KCNMB2: variants seen among roughly 807,000 people sequenced by gnomAD.
KCNMB2 encodes the protein potassium calcium-activated channel subfamily M regulatory beta subunit 2.
KCNMB2 carries 9 observed loss-of-function variants against 24.5 expected under a neutral mutation model. The ratio of observed to expected loss-of-function variants is 0.37; its 90% CI spans 0.22 to 0.64. The LOEUF (loss-of-function observed/expected upper bound fraction) is 0.64, where lower values mean the gene tolerates loss of function less well. Among genes scored for constraint, KCNMB2 ranks in the 30% least tolerant of loss-of-function variants. The probability of loss-of-function intolerance (pLI) is 0.63; values close to 1 mark genes in which losing one functional copy is unlikely to be tolerated. For missense variants in KCNMB2, 226 were observed against 284.3 expected (o/e 0.79, Z 1.47); for synonymous variants, 109 against 104.4 (o/e 1.04, Z -0.27).
At position 178,577,695 on chromosome 3, in the gene KCNMB2, G is replaced by A. The variant is rs115246720; in HGVS notation, c.-68+40984G>A. On this transcript the variant is annotated intron_variant, in intron 1 of 4. Coordinates refer to ENST00000452583, the MANE Select transcript of KCNMB2 (RefSeq NM_181361.3). Reference sequence around the variant, plus strand: ...ACACAAACACAAGTTTAGAGAAGATGGAGCTGAAAAACAGCACAAGAACTT... The same window carrying A: ...ACACAAACACAAGTTTAGAGAAGATAGAGCTGAAAAACAGCACAAGAACTT... 6.0e-3 allele frequency among the ~76,000 whole-genome samples: 906 copies of A among 152,232 alleles called. 13 individuals are homozygous for A. Among genetic ancestry groups the A allele is most frequent in the African/African-American group, 0.021 (859 of 41,564 alleles).
intron 1 of KCNMB2, among the ~76,000 whole-genome samples, chr3:178,728,039 T>TATAG (rs1265854655): frequency 6.6e-6 from 1 of 152,234 alleles, no homozygotes; most frequent in East Asian, 1.9e-4. Context: ...TGGAAACAGG[T>TATAG]ATAGGCCTTA....
At chr3:178,719,738 T>C (rs1003536178) in intron 1 of KCNMB2, among the ~76,000 whole-genome samples, 2 of 151,998 alleles carry the variant, frequency 1.3e-5, no homozygotes, top group Non-Finnish European at 2.9e-5. Flanking sequence ...AAAAATAACA[T>C]ACAGTAAAAT....
At chr3:178,577,203 G>A (rs984132906) in intron 1 of KCNMB2, among the ~76,000 whole-genome samples, 9 of 152,122 alleles carry the variant, frequency 5.9e-5, no homozygotes, top group South Asian at 2.1e-4. Context: ...TGCAGCCTCC[G>A]CTTGCGTCCA....
chr3:178,718,389 G>A (rs751683675), intron 1 of KCNMB2, among the ~76,000 whole-genome samples: 2 of 152,160 alleles, frequency 1.3e-5, no homozygotes, highest in Non-Finnish European at 2.9e-5. Context: ...CTGTATGTAT[G>A]CATGTGTCTA....
At chr3:178,570,323 C>G (rs538576577) in intron 1 of KCNMB2, among the ~76,000 whole-genome samples, 17 of 151,934 alleles carry the variant, frequency 1.1e-4, no homozygotes, top group South Asian at 1.0e-3. Context: ...TTCACAACAC[C>G]CTGCAATCAA....
intron 1 of KCNMB2, among the ~76,000 whole-genome samples, chr3:178,712,198 C>G (rs1722474824): frequency 1.3e-5 from 2 of 152,102 alleles, no homozygotes; most frequent in Non-Finnish European, 2.9e-5. Context: ...CAGAAAATAA[C>G]AAGAGTAACA....
chr3:178,684,137 T>A (rs1386036850), intron 1 of KCNMB2, among the ~76,000 whole-genome samples: 1 of 152,102 alleles, frequency 6.6e-6, no homozygotes, highest in Non-Finnish European at 1.5e-5. Context: ...AAGAAACTGT[T>A]CTATATATAT....
intron 1 of KCNMB2, among the ~76,000 whole-genome samples, chr3:178,766,049 C>G (rs1277198744): frequency 6.6e-6 from 1 of 152,088 alleles, no homozygotes; most frequent in Non-Finnish European, 1.5e-5. Context: ...TTTTCTACCT[C>G]TCCACATCTC....
At chr3:178,755,511 G>T (rs1269920018) in intron 1 of KCNMB2, among the ~76,000 whole-genome samples, 1 of 152,086 alleles carries the variant, frequency 6.6e-6, no homozygotes, top group Non-Finnish European at 1.5e-5. Context: ...ACCTCTGTGG[G>T]ACCATAGCCA....
chr3:178,675,376 G>A (rs2108587636), intron 1 of KCNMB2, among the ~76,000 whole-genome samples: 1 of 152,254 alleles, frequency 6.6e-6, no homozygotes, highest in East Asian at 1.9e-4. Context: ...CAGTTACCGT[G>A]TTTCTGAGGG....
chr3:178,682,204 C>A (rs1338729195), intron 1 of KCNMB2, among the ~76,000 whole-genome samples: 1 of 152,158 alleles, frequency 6.6e-6, no homozygotes, highest in Non-Finnish European at 1.5e-5. Context: ...ATGTTACTTA[C>A]TATTGCTAAA....
intron 1 of KCNMB2, among the ~76,000 whole-genome samples, chr3:178,666,704 T>G (rs1720730622): frequency 6.6e-6 from 1 of 152,158 alleles, no homozygotes; most frequent in African/African-American, 2.4e-5. Flanking sequence ...CAAGGCACTG[T>G]GAAAAATGCC....
chr3:178,738,637 C>T (rs1342288072), intron 1 of KCNMB2, among the ~76,000 whole-genome samples: 1 of 152,124 alleles, frequency 6.6e-6, no homozygotes, highest in Non-Finnish European at 1.5e-5. Flanking sequence ...ACTTAAAGCC[C>T]CATTTTTGAC....
At chr3:178,675,232 G>A (rs778424720) in intron 1 of KCNMB2, among the ~76,000 whole-genome samples, 44 of 152,164 alleles carry the variant, frequency 2.9e-4, no homozygotes, top group Non-Finnish European at 5.0e-4. Context: ...AGCCTAACAA[G>A]CCTCTTAATA....
intron 1 of KCNMB2, among the ~76,000 whole-genome samples, chr3:178,573,923 A>G (rs1038523293): frequency 6.6e-6 from 1 of 152,194 alleles, no homozygotes; most frequent in African/African-American, 2.4e-5. Context: ...AAAATGATCA[A>G]GAAGTGTGTA....
chr3:178,639,016 G>A (rs1291296092), intron 1 of KCNMB2, among the ~76,000 whole-genome samples: 1 of 152,128 alleles, frequency 6.6e-6, no homozygotes, highest in Non-Finnish European at 1.5e-5. Flanking sequence ...TGTGTTAGAT[G>A]TCTTTCTACT....
chr3:178,597,809 A>G (rs886258497), intron 1 of KCNMB2, among the ~76,000 whole-genome samples: 7 of 152,100 alleles, frequency 4.6e-5, no homozygotes, highest in African/African-American at 1.4e-4. Flanking sequence ...TTAGATGGTT[A>G]TTTTCATCTT....
chr3:178,714,451 A>G (rs1369486540), intron 1 of KCNMB2, among the ~76,000 whole-genome samples: 7 of 152,176 alleles, frequency 4.6e-5, no homozygotes, highest in Admixed American at 2.6e-4. Flanking sequence ...GCTTCACAAA[A>G]TAAGTGACTT....
At chr3:178,631,011 A>G (rs1719300849) in intron 1 of KCNMB2, among the ~76,000 whole-genome samples, 1 of 152,244 alleles carries the variant, frequency 6.6e-6, no homozygotes, top group Admixed American at 6.5e-5. Flanking sequence ...ATTATTTACA[A>G]GCAAAGAAAG....
Sources: gnomAD v4.1 joint callset for allele counts (sites outside exome capture counted in the v4.1 genomes callset) on GRCh38, gnomAD v4.1.1 for gene constraint, MANE v1.5 for transcripts, NCBI Gene and HGNC (gene_info 2026-07-23, HGNC 2026-07-21) for gene names.